Variants in ANKRD17 observed in about 807,000 individuals in gnomAD.
ANKRD17 encodes ankyrin repeat domain 17.
A neutral mutation model predicts 229.7 loss-of-function variants in ANKRD17; 19 were observed. That is an observed-to-expected ratio of 0.08 (90% CI 0.06 to 0.12). The LOEUF (loss-of-function observed/expected upper bound fraction) is 0.12, where lower values mean the gene tolerates loss of function less well. ANKRD17 is among the 10% of genes least tolerant of loss of function. The pLI is 1.00. For synonymous variants in ANKRD17, 1,112 were observed against 1,146.1 expected, an observed-to-expected ratio of 0.97 and a Z score of 0.60; for missense variants, 2,176 against 3,176.8, an observed-to-expected ratio of 0.68 and a Z score of 7.57.
chr4:73,216,771 T>C (rs1030739471), intron 1 of ANKRD17, among the ~76,000 whole-genome samples: 6 of 152,228 alleles, frequency 3.9e-5, no homozygotes, highest in African/African-American at 1.4e-4. Context: ...CTATGTGCTA[T>C]CCTACTTACA....
Position 73,112,112 on chromosome 4 carries a change from C to G in ANKRD17, c.4401+1680G>C, listed in dbSNP as rs576356606. 6.6e-5 allele frequency among the ~76,000 whole-genome samples: 10 copies of G among 152,250 alleles called. No individual in the cohort carries two copies. In the South Asian group the frequency reaches 2.1e-3, roughly 32 times the overall value. On this transcript the variant is annotated intron_variant, in intron 24 of 33. Transcript: ENST00000358602. ...GACTAAGAGAAAGAGTAATAAAAAA[C>G]AAGGCCAGAGAGGTTTAAGAAGTGG...
At chr4:73,231,434 G>C (rs1743033016) in intron 1 of ANKRD17, among the ~76,000 whole-genome samples, 1 of 152,138 alleles carries the variant, frequency 6.6e-6, no homozygotes, top group South Asian at 2.1e-4. Flanking sequence ...CAAGATATCT[G>C]TTACCACTCT....
Position 73,077,018 on chromosome 4 carries a change from G to A in ANKRD17, c.7674C>T (p.Gly2558=), listed in dbSNP as rs1321105608. 2 of 1,613,608 alleles carry A rather than the reference G, an allele frequency of 1.2e-6. No homozygotes were observed. The part of the protein sequence containing the change: ...PDGAGGPIFN[G]PHAADPSWNS... The stretch of plus-strand genomic sequence containing the variant: ...TCCAAGAAGGGTCTGCAGCATGAGG[G>A]CCATTAAATATGGGTCCTCCAGCAC... The change falls in exon 33 of 34, where the codon GGC becomes GGT. Residue 2558 remains glycine, a synonymous_variant. Coordinates refer to ENST00000358602, the MANE Select transcript of ANKRD17 (RefSeq NM_032217.5).
At chr4:73,208,202 A>AC (rs1739768544) in intron 1 of ANKRD17, among the ~76,000 whole-genome samples, 1 of 151,558 alleles carries the variant, frequency 6.6e-6, no homozygotes, top group Admixed American at 6.6e-5. Flanking sequence ...AAAAAAAAAA[A>AC]AAAAAAAAAA....
At chr4:73,235,436 C>A (rs1257388778) in intron 1 of ANKRD17, among the ~76,000 whole-genome samples, 5 of 152,212 alleles carry the variant, frequency 3.3e-5, no homozygotes, top group Non-Finnish European at 5.9e-5. Flanking sequence ...CCCACATACA[C>A]CCAAGTACAC....
At chr4:73,097,732 C>G (rs1723481202) in intron 26 of ANKRD17, among the ~76,000 whole-genome samples, 1 of 152,136 alleles carries the variant, frequency 6.6e-6, no homozygotes, top group Non-Finnish European at 1.5e-5. Context: ...AGCCATTGCA[C>G]CCAGCCTGAA....
chr4:73,141,140 T>C (rs1729550088), intron 14 of ANKRD17, among the ~76,000 whole-genome samples: 1 of 152,190 alleles, frequency 6.6e-6, no homozygotes, highest in South Asian at 2.1e-4. Context: ...CACTGTTTCT[T>C]CAGGTAAAAC....
rs1478239978 is a variant in ANKRD17 at position 73,146,634 on chromosome 4, T to C, written c.1869+130A>G. On this transcript the variant is annotated intron_variant, in intron 10 of 33. Transcript: ENST00000358602. Reference sequence around the variant, plus strand: ...AAATGTGACTAAGTGAGAGAAAGAATGGCAAAAAAATAAAAATAAAAAAAA... The same window carrying C: ...AAATGTGACTAAGTGAGAGAAAGAACGGCAAAAAAATAAAAATAAAAAAAA... 9.9e-6 allele frequency: 7 copies of C among 703,652 alleles called. No homozygotes were observed. In the East Asian group the frequency reaches 1.7e-4, roughly 17 times the overall value. The allele number at this position is 703,652 out of a possible 1,614,324, so 43.6% of individuals were successfully genotyped here.
At chr4:73,152,154 A>G (rs1036209736) in intron 6 of ANKRD17, among the ~76,000 whole-genome samples, 8 of 152,192 alleles carry the variant, frequency 5.3e-5, no homozygotes, top group Non-Finnish European at 1.0e-4. Context: ...TATAATTTAA[A>G]AAAGACTTCA....
intron 24 of ANKRD17, 153 bp from the exon 25 acceptor site, chr4:73,102,700 C>A: frequency 1.3e-6 from 1 of 772,926 alleles, no homozygotes; most frequent in African/African-American, 1.8e-5. Flanking sequence ...ATATTCAAAC[C>A]ACTCTAAAGA....
chr4:73,169,069 G>A (rs1733628933), intron 2 of ANKRD17: 1 of 152,036 alleles, frequency 6.6e-6, no homozygotes, highest in Admixed American at 6.6e-5. Flanking sequence ...TAGGATAATG[G>A]GCTCCAGCTG....
intron 1 of ANKRD17, among the ~76,000 whole-genome samples, chr4:73,192,182 A>G (rs1387393901): frequency 6.6e-6 from 1 of 152,080 alleles, no homozygotes; most frequent in African/African-American, 2.4e-5. Context: ...TCACTTGAAT[A>G]TAAGTTCACT....
chr4:73,124,356 C>A lies in ANKRD17; in HGVS notation c.3492+557G>T, dbSNP rs143775552. ...AGATACATAAGTGAGTGTAAAGCTA[C>A]ATTTTCTTGAGCCTAGCTAATCTCT... On this transcript the variant is annotated intron_variant, in intron 18 of 33. Transcript: ENST00000358602. Among the ~76,000 whole-genome samples the A allele has an allele frequency of 1.0e-2, 1,461 of 146,222 alleles. 11 individuals are homozygous for A. The highest frequency in any genetic ancestry group is 0.023 in the Middle Eastern group (6 of 258).
In ANKRD17 at chr4:73,124,837, G is replaced by GA. The variant is rs760565473; in HGVS notation, c.3492+75dup. The GA allele has an allele frequency of 1.0e-3, 1,548 of 1,526,966 alleles. 3 individuals are homozygous for GA. The highest frequency in any genetic ancestry group is 1.3e-3 in the Non-Finnish European group (1,430 of 1,126,290). The allele number at this position is 1,526,966 out of a possible 1,614,324, so 94.6% of individuals were successfully genotyped here. On this transcript the variant is annotated intron_variant, in intron 18 of 33. Coordinates refer to ENST00000358602, the MANE Select transcript of ANKRD17 (RefSeq NM_032217.5). ...TAAACGTCAAAGCATTGTTCTGATA[G>GA]AAAAAATAATATAAGTGAAAGTACA...
chr4:73,095,400 A>G (rs1032344754), intron 27 of ANKRD17, among the ~76,000 whole-genome samples: 2 of 151,948 alleles, frequency 1.3e-5, no homozygotes, highest in African/African-American at 4.8e-5. Flanking sequence ...CAGGAGTTCA[A>G]GACCAGCCTG....
intron 1 of ANKRD17, among the ~76,000 whole-genome samples, chr4:73,247,733 AAG>A (rs948864705): frequency 1.3e-5 from 2 of 152,000 alleles, no homozygotes; most frequent in African/African-American, 4.8e-5. Context: ...TCATAATCTG[AAG>A]ACTCATCTCT....
intron 3 of ANKRD17, among the ~76,000 whole-genome samples, chr4:73,157,658 C>A (rs1455620614): frequency 6.6e-6 from 1 of 152,102 alleles, no homozygotes; most frequent in African/African-American, 2.4e-5. Context: ...CCTGTTATTA[C>A]CATCAGCCAG....
intron 4 of ANKRD17, 55 bp from the exon 5 acceptor site, chr4:73,155,833 T>G: frequency 6.3e-7 from 1 of 1,587,570 alleles, no homozygotes. Context: ...TCAAAAAATT[T>G]TGAACACGTA....
chr4:73,123,366 C>A (rs1390504756), intron 18 of ANKRD17, among the ~76,000 whole-genome samples: 1 of 151,940 alleles, frequency 6.6e-6, no homozygotes, highest in East Asian at 1.9e-4. Context: ...TTTTCACTAT[C>A]TTAATATTTG....
Sources: gnomAD v4.1 joint callset for allele counts (sites outside exome capture counted in the v4.1 genomes callset) on GRCh38, gnomAD v4.1.1 for gene constraint, MANE v1.5 for transcripts, NCBI Gene and HGNC (gene_info 2026-07-23, HGNC 2026-07-21) for gene names.